Variants in FAM151B observed in about 807,000 individuals in gnomAD.
FAM151B encodes protein FAM151B.
A neutral mutation model predicts 31.2 loss-of-function variants in FAM151B; 24 were observed. That is an observed-to-expected ratio of 0.77 (90% CI 0.56 to 1.08). The LOEUF is 1.08. Ranked by LOEUF, FAM151B falls within the 50% of genes least tolerant of loss-of-function variation. The pLI, the probability that FAM151B is intolerant of heterozygous loss-of-function variation, is 0.00. For missense variants in FAM151B, 293 were observed against 328.6 expected, an observed-to-expected ratio of 0.89 and a Z score of 0.84; for synonymous variants, 105 against 111.4, an observed-to-expected ratio of 0.94 and a Z score of 0.36.
chr5:80,526,530 G>C (rs2112654886), intron 5 of FAM151B, among the ~76,000 whole-genome samples: 1 of 152,102 alleles, frequency 6.6e-6, no homozygotes, highest in East Asian at 1.9e-4. Context: ...TGAGATGGGG[G>C]AATCGCTTGA....
intron 3 of FAM151B, among the ~76,000 whole-genome samples, chr5:80,515,606 A>C (rs1439434736): frequency 6.6e-6 from 1 of 152,182 alleles, no homozygotes; most frequent in African/African-American, 2.4e-5. Context: ...AAGTGCTAGC[A>C]GCTAGCACAA....
chr5:80,488,138 T>C lies in FAM151B; in HGVS notation c.15T>C (p.Ala5=). 1 of 1,543,580 alleles carries C rather than the reference T, an allele frequency of 6.5e-7. No homozygotes were observed. The highest frequency in any genetic ancestry group is 8.7e-7 in the Non-Finnish European group (1 of 1,147,518). Residue 5 remains alanine, a synonymous_variant, in exon 1 of 6, where the codon GCT becomes GCC. Coordinates refer to ENST00000282226, the MANE Select transcript of FAM151B (RefSeq NM_205548.3). MAAS[A]GGPGSWSENI... ...GCGTCGTCACCATGGCAGCATCCGCTGGAGGCCCAGGTAAGCGCCGAGCGC... is the reference window on the plus strand; with the variant it reads ...GCGTCGTCACCATGGCAGCATCCGCCGGAGGCCCAGGTAAGCGCCGAGCGC...
chr5:80,498,037 T>C (rs1743613627), intron 1 of FAM151B, among the ~76,000 whole-genome samples: 1 of 152,256 alleles, frequency 6.6e-6, no homozygotes, highest in Admixed American at 6.5e-5. Flanking sequence ...ATCAGTCCTC[T>C]AAATCATTTG....
chr5:80,513,493 ACTTTT>A, intron 2 of FAM151B, 106 bp from the exon 3 acceptor site: 1 of 1,047,714 alleles, frequency 9.5e-7, no homozygotes, highest in South Asian at 1.7e-5. Flanking sequence ...ACTGAGTGTT[ACTTTT>A]CTTTCCTTTT....
chr5:80,529,992 T>C (rs999666443), intron 5 of FAM151B, among the ~76,000 whole-genome samples: 3 of 125,586 alleles, frequency 2.4e-5, no homozygotes, highest in Admixed American at 2.2e-4. Context: ...CTCAATAAAA[T>C]ACTGGCAAAC....
At chr5:80,517,514 C>CA (rs1364724772) in intron 3 of FAM151B, among the ~76,000 whole-genome samples, 1 of 152,104 alleles carries the variant, frequency 6.6e-6, no homozygotes, top group East Asian at 1.9e-4. Flanking sequence ...ACTACAACAA[C>CA]AAAAAGTTTT....
chr5:80,540,009 G>A (rs576642706), intron 5 of FAM151B, among the ~76,000 whole-genome samples: 4 of 151,994 alleles, frequency 2.6e-5, no homozygotes, highest in East Asian at 1.9e-4. Flanking sequence ...AGAGGATACC[G>A]CCCCAAAGAA....
intron 2 of FAM151B, chr5:80,510,688 CA>C (rs747996448): frequency 3.9e-5 from 6 of 152,130 alleles, no homozygotes; most frequent in Non-Finnish European, 8.8e-5. Flanking sequence ...AAGTTGTTAC[CA>C]GTAAAGTTTG....
chr5:80,536,991 C>A (rs1256414690), intron 5 of FAM151B, among the ~76,000 whole-genome samples: 1 of 152,024 alleles, frequency 6.6e-6, no homozygotes, highest in African/African-American at 2.4e-5. Flanking sequence ...TATGTGATAG[C>A]ACAATGGGGT....
At chr5:80,502,226 C>G (rs575299992) in intron 2 of FAM151B, among the ~76,000 whole-genome samples, 1 of 152,088 alleles carries the variant, frequency 6.6e-6, no homozygotes, top group African/African-American at 2.4e-5. Flanking sequence ...TAAAGTGTTT[C>G]ATTTTGTTTA....
intron 2 of FAM151B, among the ~76,000 whole-genome samples, chr5:80,503,865 T>G (rs1743842219): frequency 6.6e-6 from 1 of 152,004 alleles, no homozygotes; most frequent in African/African-American, 2.4e-5. Context: ...GACTTCCTCC[T>G]CTTGCTGTCC....
chr5:80,489,241 G>T (rs149900829), intron 1 of FAM151B, among the ~76,000 whole-genome samples: 1 of 151,822 alleles, frequency 6.6e-6, no homozygotes, highest in East Asian at 1.9e-4. Flanking sequence ...GAACATTTTT[G>T]CATTGTTCTT....
intron 5 of FAM151B, among the ~76,000 whole-genome samples, chr5:80,533,665 A>C (rs191452296): frequency 7.1e-6 from 1 of 141,298 alleles, no homozygotes; most frequent in African/African-American, 2.6e-5. Context: ...CAGGAGAATC[A>C]GTTGAACCTG....
chr5:80,494,456 T>TTTCTTTCTTTTCTTTTC (rs753640131), intron 1 of FAM151B, among the ~76,000 whole-genome samples: 89 of 82,726 alleles, frequency 1.1e-3, no homozygotes, highest in African/African-American at 3.7e-3. Context: ...TCTTTCTTTC[T>TTTCTTTCTTTTCTTTTC]TTTCTTTCTT....
At chr5:80,506,342 T>C (rs754598531) in intron 2 of FAM151B, among the ~76,000 whole-genome samples, 1 of 152,108 alleles carries the variant, frequency 6.6e-6, no homozygotes, top group Non-Finnish European at 1.5e-5. Flanking sequence ...AATCATGAGA[T>C]GAAATTAGCC....
chr5:80,498,081 G>A lies in FAM151B; in HGVS notation c.26-3711G>A, dbSNP rs912443327. Among the ~76,000 whole-genome samples, 11 of 152,228 alleles carry A rather than the reference G, an allele frequency of 7.2e-5. No homozygotes were observed. The South Asian group carries it at 1.5e-3, about 20-fold the overall frequency. ...CAAAACCTTCATTTTTAACAGCCAC[G>A]TTAGTCACATATTCTATCATGCATA... On this transcript the variant is annotated intron_variant, in intron 1 of 5. Transcript: ENST00000282226.
intron 5 of FAM151B, among the ~76,000 whole-genome samples, chr5:80,527,836 T>A (rs1381964116): frequency 6.6e-6 from 1 of 152,216 alleles, no homozygotes; most frequent in Non-Finnish European, 1.5e-5. Flanking sequence ...TATTTAAAAT[T>A]TCTTTTTCTT....
intron 5 of FAM151B, among the ~76,000 whole-genome samples, chr5:80,537,487 G>A (rs538598336): frequency 1.4e-4 from 21 of 152,246 alleles, no homozygotes; most frequent in Non-Finnish European, 2.1e-4. Flanking sequence ...ATGTCGTAGC[G>A]GAGTCTTTCC....
rs368070361 is a variant in FAM151B, at chr5:80,529,894, G to A, written c.671+7756G>A. 2.7e-4 allele frequency among the ~76,000 whole-genome samples: 34 copies of A among 125,538 alleles called. No individual in the cohort carries two copies. In the East Asian group the frequency reaches 3.3e-3, roughly 12 times the overall value. The allele number at this position is 125,538 out of a possible 152,430, so 82.4% of individuals were successfully genotyped here. Reference sequence around the variant, plus strand: ...CCTCCCTAACTCATTTTATGAGGCCGGCATCATCCTGATACCAAAGCCTGG... The same window carrying A: ...CCTCCCTAACTCATTTTATGAGGCCAGCATCATCCTGATACCAAAGCCTGG... On this transcript the variant is annotated intron_variant, in intron 5 of 5. Transcript: ENST00000282226.
Sources: gnomAD v4.1 joint callset for allele counts (sites outside exome capture counted in the v4.1 genomes callset) on GRCh38, gnomAD v4.1.1 for gene constraint, MANE v1.5 for transcripts, NCBI Gene and HGNC (gene_info 2026-07-23, HGNC 2026-07-21) for gene names.